Variants in SAMD12 observed in about 807,000 individuals in gnomAD.
SAMD12 encodes the protein sterile alpha motif domain containing 12, also known as sterile alpha motif domain-containing protein 12.
SAMD12 carries 9 observed loss-of-function variants against 15.0 expected under a neutral mutation model. The observed-to-expected ratio is 0.60, with a 90% confidence interval of 0.36 to 1.05. The LOEUF is 1.05. SAMD12 is among the 50% of genes least tolerant of loss of function. The probability of loss-of-function intolerance (pLI) is 0.01; values close to 1 mark genes in which losing one functional copy is unlikely to be tolerated. For synonymous variants in SAMD12, 86 were observed against 90.1 expected, an observed-to-expected ratio of 0.96 and a Z score of 0.25; for missense variants, 230 against 234.2, an observed-to-expected ratio of 0.98 and a Z score of 0.12.
chr8:118,398,353 C>T (rs1365447542), intron 3 of SAMD12, among the ~76,000 whole-genome samples: 12 of 152,046 alleles, frequency 7.9e-5, no homozygotes, highest in East Asian at 5.8e-4. Context: ...GAGCTGAGAT[C>T]GTGCCACTGC....
At chr8:118,235,431 G>A (rs1013664741) in intron 4 of SAMD12, among the ~76,000 whole-genome samples, 5 of 152,146 alleles carry the variant, frequency 3.3e-5, no homozygotes, top group African/African-American at 1.2e-4. Context: ...GGATGGTCTC[G>A]ATCTCTTGAC....
intron 2 of SAMD12, among the ~76,000 whole-genome samples, chr8:118,476,877 TGAGCAATGCCCAC>T (rs902983578): frequency 6.6e-6 from 1 of 152,184 alleles, no homozygotes; most frequent in African/African-American, 2.4e-5. Flanking sequence ...TGCCAGCTCT[TGAGCAATGCCCAC>T]TGTCTCTTCC....
chr8:118,217,102 C>G (rs535691767), intron 4 of SAMD12, among the ~76,000 whole-genome samples: 7 of 152,254 alleles, frequency 4.6e-5, no homozygotes, highest in African/African-American at 1.2e-4. Flanking sequence ...CTCCTGGGTT[C>G]AAGCGATTCT....
At chr8:118,298,556 T>A (rs1263902807) in intron 4 of SAMD12, among the ~76,000 whole-genome samples, 3 of 152,204 alleles carry the variant, frequency 2.0e-5, no homozygotes, top group Non-Finnish European at 1.5e-5. Flanking sequence ...TCTTGCAGCA[T>A]TTACACTTTT....
intron 3 of SAMD12, among the ~76,000 whole-genome samples, chr8:118,393,039 A>G (rs547449188): frequency 7.2e-5 from 11 of 152,324 alleles, no homozygotes; most frequent in African/African-American, 2.6e-4. Flanking sequence ...AGGCAAAACA[A>G]CAAAACACTT....
chr8:118,370,733 A>G (rs959745350), intron 4 of SAMD12, among the ~76,000 whole-genome samples: 1 of 152,140 alleles, frequency 6.6e-6, no homozygotes, highest in Non-Finnish European at 1.5e-5. Context: ...GAACTGAACA[A>G]TGAGAACCCA....
At chr8:118,325,784 T>G (rs1300152387) in intron 4 of SAMD12, among the ~76,000 whole-genome samples, 2 of 152,200 alleles carry the variant, frequency 1.3e-5, no homozygotes, top group Non-Finnish European at 2.9e-5. Flanking sequence ...GTCCTCTCTA[T>G]TTTTGAAAGT....
the SAMD12 span, among the ~76,000 whole-genome samples, chr8:118,137,193 A>G: frequency 6.6e-6 from 1 of 152,218 alleles, no homozygotes; most frequent in Non-Finnish European, 1.5e-5. Context: ...CAAATGAAGT[A>G]GTGGCCGGCA....
chr8:118,578,263 C>A (rs529970767), intron 2 of SAMD12, among the ~76,000 whole-genome samples: 3 of 152,252 alleles, frequency 2.0e-5, no homozygotes, highest in Non-Finnish European at 4.4e-5. Context: ...TACACAGTTT[C>A]TTTAGCCAGT....
At chr8:118,541,658 C>T (rs1016722266) in intron 2 of SAMD12, among the ~76,000 whole-genome samples, 3 of 152,026 alleles carry the variant, frequency 2.0e-5, no homozygotes, top group Admixed American at 6.6e-5. Context: ...TAAGTTATTA[C>T]CATGTAATTA....
At chr8:118,306,240 G>A (rs1586484691) in intron 4 of SAMD12, among the ~76,000 whole-genome samples, 1 of 152,126 alleles carries the variant, frequency 6.6e-6, no homozygotes, top group Admixed American at 6.5e-5. Context: ...TCTTCTACTG[G>A]AGAAAGAAGT....
At chr8:118,342,224 G>A (rs1000887617) in intron 4 of SAMD12, among the ~76,000 whole-genome samples, 1 of 147,664 alleles carries the variant, frequency 6.8e-6, no homozygotes, top group African/African-American at 2.5e-5. Flanking sequence ...CCCAGGAAGT[G>A]GGGGTTGCAG....
At chr8:118,177,565 G>A in the SAMD12 span, among the ~76,000 whole-genome samples, 4,355 of 152,164 alleles carry the variant, frequency 0.029, 209 homozygotes, top group African/African-American at 0.096. Flanking sequence ...TTAACGCCTG[G>A]GAAGGAAGCT....
chr8:118,410,628 A>T (rs943220060), intron 3 of SAMD12, among the ~76,000 whole-genome samples: 3 of 152,220 alleles, frequency 2.0e-5, no homozygotes, highest in African/African-American at 7.2e-5. Flanking sequence ...GGCCATGTGC[A>T]GGTAAATGTT....
chr8:118,247,148 G>A (rs1812714750), intron 4 of SAMD12, among the ~76,000 whole-genome samples: 3 of 152,100 alleles, frequency 2.0e-5, no homozygotes, highest in Non-Finnish European at 4.4e-5. Flanking sequence ...GGTGAAATAA[G>A]CCAGGCAGAG....
chr8:118,173,241 AG>A, the SAMD12 span, among the ~76,000 whole-genome samples: 1 of 152,266 alleles, frequency 6.6e-6, no homozygotes, highest in African/African-American at 2.4e-5. Context: ...TGATCGAGGC[AG>A]GGTTCTGTGT....
At chr8:118,166,733 C>T in the SAMD12 span, among the ~76,000 whole-genome samples, 2 of 152,166 alleles carry the variant, frequency 1.3e-5, no homozygotes, top group East Asian at 1.9e-4. Context: ...GTGCACACTA[C>T]GTTTCTCTAG....
At chr8:118,455,925 G>T (rs1823236722) in intron 2 of SAMD12, among the ~76,000 whole-genome samples, 1 of 152,058 alleles carries the variant, frequency 6.6e-6, no homozygotes, top group Admixed American at 6.5e-5. Flanking sequence ...TCATTCAAAG[G>T]CAACTATTTC....
At chr8:118,403,459 C>T (rs755451548) in intron 3 of SAMD12, among the ~76,000 whole-genome samples, 4 of 151,714 alleles carry the variant, frequency 2.6e-5, no homozygotes, top group Non-Finnish European at 5.9e-5. Flanking sequence ...CACTTATTAG[C>T]TTGGTAAATT....
Sources: allele counts gnomAD v4.1 joint callset (sites outside exome capture counted in the v4.1 genomes callset), GRCh38; gene constraint gnomAD v4.1.1; transcripts MANE v1.5; gene names NCBI Gene and HGNC (gene_info 2026-07-23, HGNC 2026-07-21).